Variants in LRIG1 observed in about 807,000 individuals in gnomAD.
LRIG1 encodes the protein leucine rich repeats and immunoglobulin like domains 1.
LRIG1 carries 48 observed loss-of-function variants against 99.2 expected under a neutral mutation model. The observed-to-expected ratio is 0.48, with a 90% CI of 0.38 to 0.62. The LOEUF is 0.62. Ranked by LOEUF, LRIG1 falls within the 20% of genes least tolerant of loss-of-function variation. LRIG1 has a pLI of 0.00. For missense variants in LRIG1, 1,646 were observed against 1,434.4 expected, an observed-to-expected ratio of 1.15 and a Z score of -2.38; for synonymous variants, 772 against 596.1, an observed-to-expected ratio of 1.29 and a Z score of -4.30.
chr3:66,409,861 G>A (rs1702407519), intron 7 of LRIG1: 1 of 357,108 alleles, frequency 2.8e-6, no homozygotes, highest in African/African-American at 2.1e-5. Flanking sequence ...GGACCTTGGG[G>A]GCCAAGGCTC....
chr3:66,384,787 G>C (rs1019832697), intron 13 of LRIG1, among the ~76,000 whole-genome samples: 1 of 152,192 alleles, frequency 6.6e-6, no homozygotes, highest in East Asian at 1.9e-4. Context: ...CGTATACCCA[G>C]GCAGGAAGCA....
At chr3:66,454,650 C>T (rs554012444) in intron 2 of LRIG1, among the ~76,000 whole-genome samples, 3 of 152,074 alleles carry the variant, frequency 2.0e-5, no homozygotes, top group Non-Finnish European at 2.9e-5. Flanking sequence ...ATGCATCAGA[C>T]CCATGAATCA....
At position 66,383,347 on chromosome 3, in the gene LRIG1, G is replaced by A. The variant is rs955662015; in HGVS notation, c.2126C>T (p.Thr709Ile). 1.3e-6 allele frequency: 2 copies of A among 1,592,486 alleles called. No individual in the cohort carries two copies. The highest frequency in any genetic ancestry group is 1.7e-6 in the Non-Finnish European group (2 of 1,164,988). The change falls in exon 15 of 19, where the codon ACA becomes ATA. Residue 709 changes from threonine (T) to isoleucine (I), a missense_variant. Thr to Ile is a moderately conservative substitution (Grantham distance 89). Transcript: ENST00000273261. Reference protein sequence around the residue: ...LEDRVVSVGETVALQCKATGN... With the variant: ...LEDRVVSVGEIVALQCKATGN... ...CGTGGCTTTGCATTGGAGGGCCACT[G>A]TTTCTCCCACAGATACCACACGGTC...
intron 14 of LRIG1, among the ~76,000 whole-genome samples, chr3:66,383,779 G>A (rs1222627729): frequency 1.3e-5 from 2 of 152,094 alleles, no homozygotes; most frequent in Non-Finnish European, 2.9e-5. Flanking sequence ...TAAACCCTAT[G>A]AAGACTCTTA....
rs528547894 is a variant in LRIG1, at chr3:66,452,758, A to G, written c.291-1125T>C. On this transcript the variant is annotated intron_variant, in intron 2 of 18. Transcript: ENST00000273261. ...GAAGTGAATAGGAGAAGGAAAAAAA[A>G]AAGGAAAGGCCTTGAATTATCCCAT... Among the ~76,000 whole-genome samples the G allele has an allele frequency of 5.3e-5, 8 of 152,302 alleles. No individual in the cohort carries two copies. The South Asian group carries it at 6.2e-4, about 12-fold the overall frequency.
At chr3:66,483,055 C>G (rs1012701145) in intron 1 of LRIG1, among the ~76,000 whole-genome samples, 2 of 152,098 alleles carry the variant, frequency 1.3e-5, no homozygotes, top group Admixed American at 1.3e-4. Context: ...AATAGCACCC[C>G]CTCCAGCACC....
chr3:66,488,477 A>AC (rs1016000707), intron 1 of LRIG1, among the ~76,000 whole-genome samples: 30 of 151,328 alleles, frequency 2.0e-4, no homozygotes, highest in African/African-American at 6.8e-4. Context: ...AAAAAAACAA[A>AC]AAAAAAAAAA....
At chr3:66,395,496 T>C (rs1701809752) in intron 11 of LRIG1, among the ~76,000 whole-genome samples, 1 of 152,216 alleles carries the variant, frequency 6.6e-6, no homozygotes, top group African/African-American at 2.4e-5. Flanking sequence ...TTGGGCATCT[T>C]ATTAAAATAA....
At chr3:66,415,195 A>G in intron 4 of LRIG1, 132 bp from the exon 5 acceptor site, 1 of 862,412 alleles carries the variant, frequency 1.2e-6, no homozygotes, top group East Asian at 2.7e-5. Flanking sequence ...TTCCAGTGAG[A>G]TGTTTATCAG....
chr3:66,414,215 G>A (rs1702551837), intron 5 of LRIG1, among the ~76,000 whole-genome samples: 1 of 152,016 alleles, frequency 6.6e-6, no homozygotes, highest in Non-Finnish European at 1.5e-5. Context: ...GGGTAACAAG[G>A]TGAAACCCCA....
intron 3 of LRIG1, among the ~76,000 whole-genome samples, chr3:66,421,132 G>A (rs1256121114): frequency 6.6e-6 from 1 of 152,150 alleles, no homozygotes; most frequent in Admixed American, 6.5e-5. Context: ...CATAGGAATT[G>A]TGGGAGTCAA....
intron 15 of LRIG1, among the ~76,000 whole-genome samples, 165 bp from the exon 16 acceptor site, chr3:66,382,563 G>A (rs74416599): frequency 0.022 from 3,215 of 144,938 alleles, 104 homozygotes; most frequent in African/African-American, 0.08. Flanking sequence ...CCCAGAGCCT[G>A]CTCAGCTTTA....
intron 1 of LRIG1, among the ~76,000 whole-genome samples, chr3:66,476,739 C>G (rs1351577304): frequency 1.3e-5 from 2 of 152,222 alleles, no homozygotes; most frequent in African/African-American, 4.8e-5. Context: ...AAATGGATTT[C>G]TCAAGCCAGC....
chr3:66,477,515 C>T (rs1700749339), intron 1 of LRIG1, among the ~76,000 whole-genome samples: 1 of 152,194 alleles, frequency 6.6e-6, no homozygotes, highest in South Asian at 2.1e-4. Context: ...GATGCCAAGG[C>T]ACAATGGAGC....
chr3:66,450,411 A>G (rs1703866116), intron 3 of LRIG1, among the ~76,000 whole-genome samples: 1 of 152,184 alleles, frequency 6.6e-6, no homozygotes, highest in Non-Finnish European at 1.5e-5. Context: ...TCAAAAATGC[A>G]TTATGTAAAT....
chr3:66,401,722 G>A, intron 9 of LRIG1: 3 of 1,392,630 alleles, frequency 2.2e-6, no homozygotes, highest in Non-Finnish European at 2.9e-6. Flanking sequence ...TGGGCTGGGA[G>A]GACACTATTT....
chr3:66,446,301 T>A (rs1247588092), intron 3 of LRIG1, among the ~76,000 whole-genome samples: 1 of 152,000 alleles, frequency 6.6e-6, no homozygotes, highest in Non-Finnish European at 1.5e-5. Flanking sequence ...ACCTCCCCGC[T>A]TGGTCACAGG....
Position 66,417,141 on chromosome 3 carries a change from G to C in LRIG1, c.491C>G (p.Pro164Arg). 1 of 1,614,166 alleles carries C rather than the reference G, an allele frequency of 6.2e-7. No homozygotes were observed. ...CAGAGGCACTTACAGCTCCTTTATAGGCGGTCCGTGTGGAAAGCAGGTGTT... is the reference window on the plus strand; with the variant it reads ...CAGAGGCACTTACAGCTCCTTTATACGCGGTCCGTGTGGAAAGCAGGTGTT... ...VRNTCFPHGP[P>R]IKELNLAGNR... is the part of the protein sequence containing the mutation. The change falls in exon 4 of 19, where the codon CCT (proline) becomes CGT (arginine). Residue 164 changes from proline to arginine, a missense_variant. Transcript: ENST00000273261.
intron 1 of LRIG1, among the ~76,000 whole-genome samples, chr3:66,465,520 T>C (rs551224997): frequency 1.1e-4 from 16 of 151,726 alleles, no homozygotes; most frequent in African/African-American, 3.6e-4. Flanking sequence ...CCTGCCACCA[T>C]GCCCGGCTAA....
Sources: gnomAD v4.1 joint callset for allele counts (sites outside exome capture counted in the v4.1 genomes callset) on GRCh38, gnomAD v4.1.1 for gene constraint, MANE v1.5 for transcripts, NCBI Gene and HGNC (gene_info 2026-07-23, HGNC 2026-07-21) for gene names.